Variants in NIPBL observed in about 807,000 individuals in gnomAD.
NIPBL encodes NIPBL cohesin loading factor, also known as nipped-B-like protein.
NIPBL carries 19 observed loss-of-function variants against 321.8 expected under a neutral mutation model. The observed-to-expected ratio is 0.06, with a 90% confidence interval of 0.04 to 0.09. NIPBL has a LOEUF of 0.09. NIPBL is among the 10% of genes least tolerant of loss of function. NIPBL has a pLI of 1.00. For synonymous variants in NIPBL, 1,106 were observed against 1,114.1 expected, an observed-to-expected ratio of 0.99 and a Z score of 0.14; for missense variants, 2,210 against 3,327.0, an observed-to-expected ratio of 0.66 and a Z score of 8.26.
chr5:37,040,657 A>G (rs1752235328), intron 34 of NIPBL, among the ~76,000 whole-genome samples: 1 of 152,196 alleles, frequency 6.6e-6, no homozygotes. Flanking sequence ...ATTTTTAAAT[A>G]AACATTCCAA....
At chr5:37,006,136 C>A (rs976323483) in intron 16 of NIPBL, among the ~76,000 whole-genome samples, 1 of 152,088 alleles carries the variant, frequency 6.6e-6, no homozygotes, top group Non-Finnish European at 1.5e-5. Flanking sequence ...AGGGTGTCAT[C>A]TAGTGGTGAA....
At position 36,996,705 on chromosome 5, in the gene NIPBL, G is replaced by T. The variant is rs903479520; in HGVS notation, c.3304+901G>T. ...AACAGACTATGGGAGATCTTCACTTGTGTGCCAACTGACTTAGTCATAATG... is the reference window on the plus strand; with the variant it reads ...AACAGACTATGGGAGATCTTCACTTTTGTGCCAACTGACTTAGTCATAATG... On this transcript the variant is annotated intron_variant, in intron 11 of 46. Coordinates refer to ENST00000282516, the MANE Select transcript of NIPBL (RefSeq NM_133433.4). The surrounding 1 kb of genome is among the most constrained non-coding windows in gnomAD (Gnocchi z 5.0). The T allele has an allele frequency of 3.0e-6, 1 of 331,414 alleles. No homozygotes were observed. Among genetic ancestry groups the T allele is most frequent in the Non-Finnish European group, 6.0e-6 (1 of 167,116 alleles). The allele number at this position is 331,414 out of a possible 1,614,324, so 20.5% of individuals were successfully genotyped here.
chr5:37,052,350 CT>C lies in NIPBL; in HGVS notation c.7063-12del. The C allele has an allele frequency of 6.2e-7, 1 of 1,608,346 alleles. No individual in the cohort carries two copies. Among genetic ancestry groups the C allele is most frequent in the Non-Finnish European group, 8.5e-7 (1 of 1,174,932 alleles). ...TTTAATTTCCCTGACAAAAATGAGA[CT>C]TTTATTGATTTCAGATGAAAGCAGT... On this transcript the variant is annotated splice_polypyrimidine_tract_variant and intron_variant, in intron 41 of 46. Transcript: ENST00000282516.
Position 37,020,844 on chromosome 5 carries a change from G to A in NIPBL, c.5295G>A (p.Pro1765=), listed in dbSNP as rs758853244. Residue 1765 remains proline (P), a synonymous_variant, in exon 27 of 47, where the codon CCG becomes CCA. Transcript: ENST00000282516. ...LIVRYLASMR[P]FAQSFDIYLT... ...TTCGATACTTGGCCTCCATGAGGCC[G>A]TTTGCCCAGAGCTTTGATATTTATT... The A allele has an allele frequency of 1.7e-5, 27 of 1,612,714 alleles. No individual in the cohort carries two copies. The highest frequency in any genetic ancestry group is 3.3e-5 in the Admixed American group (2 of 60,030).
intron 34 of NIPBL, among the ~76,000 whole-genome samples, chr5:37,041,725 C>T (rs998420223): frequency 1.1e-4 from 17 of 151,762 alleles, no homozygotes; most frequent in African/African-American, 3.6e-4. Flanking sequence ...CCACCACACC[C>T]GGCTAATTTT....
At chr5:36,957,556 A>G (rs1384237992) in intron 3 of NIPBL, among the ~76,000 whole-genome samples, 3 of 152,246 alleles carry the variant, frequency 2.0e-5, no homozygotes, top group Non-Finnish European at 4.4e-5. Flanking sequence ...CTCATAGTTC[A>G]ATAAAATAGT....
Position 36,986,034 on chromosome 5 carries a change from G to A in NIPBL, c.2854G>A (p.Ala952Thr), listed in dbSNP as rs1744757074. The stretch of plus-strand genomic sequence containing the variant: ...TTATTTGTTGGGGGGCAGGTCTGGT[G>A]CGTTGAAAAATTTTGTCATTCCGAA... Reference protein sequence around the residue: ...PSYLLGGRSGALKNFVIPKIK... With the variant: ...PSYLLGGRSGTLKNFVIPKIK... The change falls in exon 10 of 47, where the codon GCG becomes ACG. Residue 952 changes from alanine (A) to threonine (T), a missense_variant. By Grantham distance (58) the Ala-to-Thr change is moderately conservative. This residue lies in a region of NIPBL where 588 missense variants were observed against 564.1 expected (regional missense o/e 1.04). Transcript: ENST00000282516. The A allele has an allele frequency of 6.2e-7, 1 of 1,613,960 alleles. No homozygotes were observed. Among genetic ancestry groups the A allele is most frequent in the East Asian group, 2.2e-5 (1 of 44,874 alleles).
At chr5:36,920,582 A>T (rs910050800) in intron 1 of NIPBL, among the ~76,000 whole-genome samples, 1 of 152,174 alleles carries the variant, frequency 6.6e-6, no homozygotes, top group Non-Finnish European at 1.5e-5. Context: ...TCAGACTTCC[A>T]CTTTCTGTTC....
chr5:36,968,401 T>A (rs1742477501), intron 6 of NIPBL, among the ~76,000 whole-genome samples: 1 of 151,908 alleles, frequency 6.6e-6, no homozygotes, highest in African/African-American at 2.4e-5. Flanking sequence ...AACCCGTGTG[T>A]ACTAAAAATA....
At position 36,970,969 on chromosome 5, in the gene NIPBL, A is replaced by G. The variant is rs757697960; in HGVS notation, c.704A>G (p.His235Arg). Residue 235 changes from histidine (H) to arginine (R), a missense_variant, in exon 7 of 47, where the codon CAT becomes CGT. Coordinates refer to ENST00000282516, the MANE Select transcript of NIPBL (RefSeq NM_133433.4). Reference protein sequence around the residue: ...GPLSGNSANHHADNPRHGSSE... With the variant: ...GPLSGNSANHRADNPRHGSSE... ...TTGTCTGGCAATTCAGCTAATCATC[A>G]TGCTGATAATCCTAGACATGGTTCA... The G allele has an allele frequency of 6.8e-6, 11 of 1,613,266 alleles. No homozygotes were observed. In the South Asian group the frequency reaches 8.8e-5, roughly 13 times the overall value.
chr5:37,039,778 TC>T (rs1179480689), intron 34 of NIPBL, among the ~76,000 whole-genome samples: 2 of 152,098 alleles, frequency 1.3e-5, no homozygotes, highest in African/African-American at 2.4e-5. Context: ...CCTCAGGACT[TC>T]CTGAGAAAAC....
intron 1 of NIPBL, among the ~76,000 whole-genome samples, chr5:36,907,543 C>A (rs1200127986): frequency 6.6e-6 from 1 of 151,974 alleles, no homozygotes; most frequent in Non-Finnish European, 1.5e-5. Flanking sequence ...CATTTTCCCA[C>A]CTTAAGTAAA....
At chr5:37,041,255 T>TTTG (rs1561200120) in intron 34 of NIPBL, among the ~76,000 whole-genome samples, 3 of 115,908 alleles carry the variant, frequency 2.6e-5, no homozygotes, top group African/African-American at 1.1e-4. Context: ...TGTGGTGGTT[T>TTTG]TTTTTTTTTT....
intron 1 of NIPBL, among the ~76,000 whole-genome samples, chr5:36,902,245 A>G (rs1486147597): frequency 1.3e-5 from 2 of 152,120 alleles, no homozygotes; most frequent in Non-Finnish European, 2.9e-5. Context: ...TTGGCTGTAC[A>G]GAACCTCTTT....
chr5:36,938,367 C>T (rs1244594149), intron 1 of NIPBL, among the ~76,000 whole-genome samples: 3 of 151,958 alleles, frequency 2.0e-5, no homozygotes, highest in Non-Finnish European at 4.4e-5. Flanking sequence ...ACCACCACAC[C>T]ACGAGTGAGA....
rs375680791 is a variant in NIPBL at position 37,019,580 on chromosome 5, T to G, written c.5010+180T>G. Reference sequence around the variant, plus strand: ...ATGCTTTGGGTTGATTTGTCTTATATGGAATTCTGGTTACAGATACTGTAC... The same window carrying G: ...ATGCTTTGGGTTGATTTGTCTTATAGGGAATTCTGGTTACAGATACTGTAC... On this transcript the variant is annotated intron_variant, in intron 25 of 46. Coordinates refer to ENST00000282516, the MANE Select transcript of NIPBL (RefSeq NM_133433.4). 1.1e-3 allele frequency among the ~76,000 whole-genome samples: 173 copies of G among 152,348 alleles called. 1 individual carries two copies. In the East Asian group the frequency reaches 0.02, roughly 17 times the overall value.
At chr5:36,980,077 G>A (rs1743961694) in intron 9 of NIPBL, among the ~76,000 whole-genome samples, 1 of 151,536 alleles carries the variant, frequency 6.6e-6, no homozygotes, top group African/African-American at 2.4e-5. Context: ...TATAAAAATG[G>A]AATTAAAATA....
At position 36,885,977 on chromosome 5, in the gene NIPBL, C is replaced by G. The variant is rs995504451; in HGVS notation, c.-80+8799C>G. 1.1e-5 allele frequency: 8 copies of G among 728,786 alleles called. No homozygotes were observed. In the African/African-American group the frequency reaches 1.4e-4, roughly 13 times the overall value. 45.1% of individuals were successfully genotyped at this position (728,786 alleles called of 1,614,324 possible). On this transcript the variant is annotated intron_variant, in intron 1 of 46. Coordinates refer to ENST00000282516, the MANE Select transcript of NIPBL (RefSeq NM_133433.4). ...AGACATACAGGCCCAATACGACGAGCTAGCTCAGAAGAACCAAGAGGAGCT... is the reference window on the plus strand; with the variant it reads ...AGACATACAGGCCCAATACGACGAGGTAGCTCAGAAGAACCAAGAGGAGCT...
At chr5:36,969,127 G>A (rs1247206369) in intron 6 of NIPBL, among the ~76,000 whole-genome samples, 2 of 152,134 alleles carry the variant, frequency 1.3e-5, no homozygotes, top group African/African-American at 4.8e-5. Context: ...CTTTTGTGGA[G>A]CAAATTACAA....
Sources: allele counts gnomAD v4.1 joint callset (sites outside exome capture counted in the v4.1 genomes callset), GRCh38; gene constraint gnomAD v4.1.1; regional missense constraint gnomAD v4.1.1; non-coding constraint Gnocchi (gnomAD v3.1); transcripts MANE v1.5; gene names NCBI Gene and HGNC (gene_info 2026-07-23, HGNC 2026-07-21).